Variants in FBXO15 observed in about 807,000 individuals in gnomAD.
FBXO15 encodes F-box protein 15.
FBXO15 carries 30 observed loss-of-function variants against 49.5 expected under a neutral mutation model. The observed-to-expected ratio is 0.61, with a 90% CI of 0.45 to 0.82. FBXO15 has a LOEUF of 0.82. Among genes scored for constraint, FBXO15 ranks in the 40% least tolerant of loss-of-function variants. The pLI is 0.00. For missense variants in FBXO15, 591 were observed against 631.5 expected, an observed-to-expected ratio of 0.94 and a Z score of 0.69; for synonymous variants, 250 against 232.7, an observed-to-expected ratio of 1.07 and a Z score of -0.68.
chr18:74,136,848 T>TG (rs963948061), intron 2 of FBXO15, among the ~76,000 whole-genome samples: 2 of 152,090 alleles, frequency 1.3e-5, no homozygotes, highest in African/African-American at 4.8e-5. Context: ...CAAGGGTCGG[T>TG]GGGGGGCAGT....
chr18:74,102,525 C>T (rs908621789), intron 8 of FBXO15, among the ~76,000 whole-genome samples: 1 of 152,150 alleles, frequency 6.6e-6, no homozygotes, highest in African/African-American at 2.4e-5. Context: ...ACTAGTACAA[C>T]CACTGTGGAA....
At chr18:74,128,186 C>T (rs531805251) in intron 5 of FBXO15, among the ~76,000 whole-genome samples, 1 of 151,972 alleles carries the variant, frequency 6.6e-6, no homozygotes, top group South Asian at 2.1e-4. Context: ...TTTTAGAGTA[C>T]AATAAAACCT....
At chr18:74,095,497 G>A (rs1019609984) in intron 8 of FBXO15, among the ~76,000 whole-genome samples, 20 of 152,234 alleles carry the variant, frequency 1.3e-4, no homozygotes, top group Admixed American at 1.2e-3. Context: ...GGAGAAGGAC[G>A]GCTGAACAGC....
At position 74,082,069 on chromosome 18, in the gene FBXO15, T is replaced by C; in HGVS notation, c.1139-18A>G. ...AATATTTCCTGAAAAGATATAAGAT[T>C]GTTTCAATCACTGTCTTCCAGTGCA... is the stretch of plus-strand genomic sequence containing the variant. On this transcript the variant is annotated intron_variant, in intron 8 of 9. Coordinates refer to ENST00000419743, the MANE Select transcript of FBXO15 (RefSeq NM_001142958.2). 6.2e-7 allele frequency: 1 copy of C among 1,606,672 alleles called. No individual in the cohort carries two copies. The highest frequency in any genetic ancestry group is 8.5e-7 in the Non-Finnish European group (1 of 1,177,260).
chr18:74,133,652 G>A (rs895156165), intron 3 of FBXO15, among the ~76,000 whole-genome samples: 1 of 152,140 alleles, frequency 6.6e-6, no homozygotes, highest in African/African-American at 2.4e-5. Context: ...GGTTTATTTG[G>A]CTCATAGTTC....
At chr18:74,083,873 T>C (rs1295919815) in intron 8 of FBXO15, among the ~76,000 whole-genome samples, 1 of 152,212 alleles carries the variant, frequency 6.6e-6, no homozygotes, top group Non-Finnish European at 1.5e-5. Context: ...ACTTATTGTA[T>C]ACCAACCACT....
chr18:74,138,968 C>T (rs560003664), intron 2 of FBXO15, among the ~76,000 whole-genome samples: 5 of 152,282 alleles, frequency 3.3e-5, no homozygotes, highest in South Asian at 4.1e-4. Context: ...AACTACATGG[C>T]ATCCACACTC....
chr18:74,088,059 G>A (rs1181210986), intron 8 of FBXO15, among the ~76,000 whole-genome samples: 1 of 151,960 alleles, frequency 6.6e-6, no homozygotes, highest in Non-Finnish European at 1.5e-5. Flanking sequence ...TTTTTAATGG[G>A]GTTTTTTTTG....
At chr18:74,077,832 G>T (rs1240007269) in intron 9 of FBXO15, among the ~76,000 whole-genome samples, 2 of 152,176 alleles carry the variant, frequency 1.3e-5, no homozygotes, top group Non-Finnish European at 2.9e-5. Context: ...AGATAACACA[G>T]CAGGTGGGAC....
At chr18:74,134,836 G>T (rs1978615875) in intron 3 of FBXO15, among the ~76,000 whole-genome samples, 1 of 151,914 alleles carries the variant, frequency 6.6e-6, no homozygotes, top group South Asian at 2.1e-4. Context: ...ATGTTCCAGG[G>T]TTAACTAATA....
At position 74,096,658 on chromosome 18, in the gene FBXO15, A is replaced by C. The variant is rs888434946; in HGVS notation, c.1139-14607T>G. Among the ~76,000 whole-genome samples the C allele has an allele frequency of 1.1e-4, 16 of 151,810 alleles. No individual in the cohort carries two copies. The East Asian group carries it at 1.9e-3, about 18-fold the overall frequency. On this transcript the variant is annotated intron_variant, in intron 8 of 9. Coordinates refer to ENST00000419743, the MANE Select transcript of FBXO15 (RefSeq NM_001142958.2). The stretch of plus-strand genomic sequence containing the variant: ...CTCCCAAAGCAAACAAAAAAAAAAA[A>C]CACAAAAAACAAACAACAACAAAAA...
At chr18:74,103,315 C>A (rs1262535717) in intron 8 of FBXO15, among the ~76,000 whole-genome samples, 1 of 151,048 alleles carries the variant, frequency 6.6e-6, no homozygotes, top group Non-Finnish European at 1.5e-5. Flanking sequence ...TTTGAAAACA[C>A]TTAGTCAGAG....
rs189883082 is a variant in FBXO15, at chr18:74,125,929, T to C, written c.912+46A>G. ...TACATAATGGTAAGTAAATGTGGTA[T>C]TGTGATGGGGAAATGACACAGTACA... On this transcript the variant is annotated intron_variant, in intron 6 of 9. Coordinates refer to ENST00000419743, the MANE Select transcript of FBXO15 (RefSeq NM_001142958.2). 5.0e-5 allele frequency: 80 copies of C among 1,605,016 alleles called. No individual in the cohort carries two copies. The East Asian group carries it at 1.6e-3, about 31-fold the overall frequency.
chr18:74,107,985 T>C (rs1913845639), intron 8 of FBXO15, among the ~76,000 whole-genome samples: 1 of 152,106 alleles, frequency 6.6e-6, no homozygotes, highest in Non-Finnish European at 1.5e-5. Context: ...GAAGCGCCTG[T>C]GAAGTTCACA....
intron 4 of FBXO15, among the ~76,000 whole-genome samples, chr18:74,130,196 T>C (rs1978321316): frequency 6.6e-6 from 1 of 152,248 alleles, no homozygotes; most frequent in Non-Finnish European, 1.5e-5. Flanking sequence ...ACTGTTATTA[T>C]TGTTTCAAGT....
chr18:74,093,263 T>TTGG (rs1555676378), intron 8 of FBXO15, among the ~76,000 whole-genome samples: 1 of 123,604 alleles, frequency 8.1e-6, no homozygotes, highest in Admixed American at 8.2e-5. Context: ...GGCAAAACAA[T>TTGG]GGGGGGGGGG....
At chr18:74,102,672 C>T (rs1913575687) in intron 8 of FBXO15, among the ~76,000 whole-genome samples, 1 of 152,144 alleles carries the variant, frequency 6.6e-6, no homozygotes, top group South Asian at 2.1e-4. Context: ...TATAGCAGCA[C>T]AGTTCACAAT....
In FBXO15 at chr18:74,122,966, C is replaced by T. The variant is rs143321404; in HGVS notation, c.1138+402G>A. On this transcript the variant is annotated intron_variant, in intron 8 of 9. Coordinates refer to ENST00000419743, the MANE Select transcript of FBXO15 (RefSeq NM_001142958.2). ...AGGTGTGGCAAACAGTGATGCAGTA[C>T]GTAGAGGAGAAAGGCTGGTTTCTCT... is the stretch of plus-strand genomic sequence containing the variant. 4 of 160,764 alleles carry T rather than the reference C, an allele frequency of 2.5e-5. No homozygotes were observed. In the East Asian group the frequency reaches 5.6e-4, roughly 23 times the overall value. The allele number at this position is 160,764 out of a possible 1,614,324, so 10.0% of individuals were successfully genotyped here. A position where few individuals can be genotyped will look rare whatever the true frequency, so the allele number is the denominator to read the frequency against.
intron 6 of FBXO15, among the ~76,000 whole-genome samples, chr18:74,125,647 G>A (rs911766525): frequency 3.9e-5 from 6 of 152,132 alleles, no homozygotes; most frequent in African/African-American, 1.2e-4. Flanking sequence ...AAGAAGGAAC[G>A]TGGACTGATT....
Sources: gnomAD v4.1 joint callset for allele counts (sites outside exome capture counted in the v4.1 genomes callset) on GRCh38, gnomAD v4.1.1 for gene constraint, MANE v1.5 for transcripts, NCBI Gene and HGNC (gene_info 2026-07-23, HGNC 2026-07-21) for gene names.